Variants in GALNT14 observed in about 807,000 individuals in gnomAD.
GALNT14 encodes the protein UDP-GalNAc:polypeptide N-acetylgalactosaminyltransferase 14.
In GALNT14, 60 loss-of-function variants were observed where a neutral mutation model predicts 77.5. The observed-to-expected ratio is 0.77, with a 90% CI of 0.63 to 0.96. GALNT14 has a LOEUF of 0.96. Among genes scored for constraint, GALNT14 ranks in the 40% least tolerant of loss-of-function variants. The pLI is 0.00. For synonymous variants in GALNT14, 280 were observed against 281.7 expected (o/e 0.99, Z 0.06); for missense variants, 710 against 731.0 (o/e 0.97, Z 0.33).
At chr2:30,966,817 G>A (rs1483829581) in intron 2 of GALNT14, among the ~76,000 whole-genome samples, 3 of 152,186 alleles carry the variant, frequency 2.0e-5, no homozygotes, top group Non-Finnish European at 2.9e-5. Context: ...ATGTAAAAGA[G>A]GCAGAGCCCC....
Position 30,979,168 on chromosome 2 carries a change from G to A in GALNT14, c.300-12866C>T, listed in dbSNP as rs79360911. 4.4e-3 allele frequency among the ~76,000 whole-genome samples: 664 copies of A among 152,366 alleles called. 1 individual carries two copies. The highest frequency in any genetic ancestry group is 0.015 in the African/African-American group (625 of 41,588). Reference sequence around the variant, plus strand: ...ATCCTTCTGCATTTAGAAAGCCAGAGTCAATGAGGAGGGCAGCTAGGGCCT... The same window carrying A: ...ATCCTTCTGCATTTAGAAAGCCAGAATCAATGAGGAGGGCAGCTAGGGCCT... On this transcript the variant is annotated intron_variant, in intron 2 of 14. Transcript: ENST00000349752.
At chr2:30,895,149 C>T in the GALNT14 span, among the ~76,000 whole-genome samples, 6 of 152,350 alleles carry the variant, frequency 3.9e-5, no homozygotes, top group Non-Finnish European at 5.9e-5. Flanking sequence ...GAAGGAGCAG[C>T]TGCATCTTGA....
intron 2 of GALNT14, among the ~76,000 whole-genome samples, chr2:30,975,745 G>A (rs1668590199): frequency 6.6e-6 from 1 of 152,102 alleles, no homozygotes; most frequent in South Asian, 2.1e-4. Context: ...TGGTTTCTAG[G>A]TCTTGGTTTT....
At chr2:31,066,333 G>C (rs1162499669) in intron 1 of GALNT14, among the ~76,000 whole-genome samples, 1 of 151,952 alleles carries the variant, frequency 6.6e-6, no homozygotes, top group Non-Finnish European at 1.5e-5. Context: ...AGAAGCCAGA[G>C]GAGTGAGGCT....
At chr2:31,008,196 C>T (rs538871772) in intron 1 of GALNT14, among the ~76,000 whole-genome samples, 9 of 152,254 alleles carry the variant, frequency 5.9e-5, no homozygotes, top group Admixed American at 2.6e-4. Context: ...ACAATCCTCC[C>T]GACTCAGCCT....
At chr2:31,121,122 T>A (rs1019314974) in intron 1 of GALNT14, among the ~76,000 whole-genome samples, 3 of 152,186 alleles carry the variant, frequency 2.0e-5, no homozygotes, top group African/African-American at 7.2e-5. Flanking sequence ...GTGCATGGAC[T>A]CAGACCTTCT....
intron 2 of GALNT14, among the ~76,000 whole-genome samples, chr2:30,984,765 CT>C (rs1669193125): frequency 6.6e-6 from 1 of 152,218 alleles, no homozygotes; most frequent in Non-Finnish European, 1.5e-5. Flanking sequence ...CAAGAAGCCT[CT>C]GCCTCCCAGC....
intron 1 of GALNT14, among the ~76,000 whole-genome samples, chr2:31,059,400 A>G (rs537461337): frequency 6.6e-6 from 1 of 152,234 alleles, no homozygotes; most frequent in Non-Finnish European, 1.5e-5. Context: ...TATCAAATAT[A>G]TGGCTAATGA....
chr2:31,097,413 T>C (rs1415142405), intron 1 of GALNT14, among the ~76,000 whole-genome samples: 4 of 151,826 alleles, frequency 2.6e-5, no homozygotes, highest in Non-Finnish European at 5.9e-5. Context: ...GAGAATTAAC[T>C]CTTTCCACAA....
chr2:31,092,834 G>A (rs1278853977), intron 1 of GALNT14, among the ~76,000 whole-genome samples: 2 of 152,168 alleles, frequency 1.3e-5, no homozygotes, highest in Non-Finnish European at 2.9e-5. Context: ...CCTTTCATTA[G>A]GTTGGTGCAA....
In GALNT14 at chr2:31,076,743, G is replaced by A. The variant is rs146167282; in HGVS notation, c.129+61215C>T. Among the ~76,000 whole-genome samples the A allele has an allele frequency of 9.9e-5, 15 of 151,850 alleles. No individual in the cohort carries two copies. The East Asian group carries it at 2.9e-3, about 29-fold the overall frequency. On this transcript the variant is annotated intron_variant, in intron 1 of 14. Coordinates refer to ENST00000349752, the MANE Select transcript of GALNT14 (RefSeq NM_024572.4). ...TAATACTGTCTTACTGATTTAGACA[G>A]TAAATATCAAAGGTAGGGAATGATA...
chr2:30,996,091 T>C (rs1326825466), intron 1 of GALNT14, among the ~76,000 whole-genome samples: 1 of 152,168 alleles, frequency 6.6e-6, no homozygotes, highest in Non-Finnish European at 1.5e-5. Flanking sequence ...CTTTCTTCAG[T>C]CTACTGATTC....
intron 2 of GALNT14, among the ~76,000 whole-genome samples, chr2:30,983,219 T>C (rs1393688135): frequency 1.3e-5 from 2 of 152,110 alleles, no homozygotes; most frequent in Non-Finnish European, 2.9e-5. Flanking sequence ...ACTAGGGGCC[T>C]GGGGAGGGTA....
chr2:31,027,456 C>A (rs1672139721), intron 1 of GALNT14, among the ~76,000 whole-genome samples: 1 of 150,982 alleles, frequency 6.6e-6, no homozygotes, highest in Non-Finnish European at 1.5e-5. Flanking sequence ...AGTCCCTGTG[C>A]TCAGTATTTT....
At chr2:31,057,501 AGACTCAACTT>A (rs1186283437) in intron 1 of GALNT14, among the ~76,000 whole-genome samples, 50 of 150,444 alleles carry the variant, frequency 3.3e-4, no homozygotes, top group African/African-American at 1.2e-3. Flanking sequence ...CAAGCCTGGG[AGACTCAACTT>A]GGCAGCTACG....
intron 1 of GALNT14, among the ~76,000 whole-genome samples, chr2:31,032,581 C>G (rs904410960): frequency 6.6e-6 from 1 of 152,188 alleles, no homozygotes; most frequent in Non-Finnish European, 1.5e-5. Context: ...AATGACTGAG[C>G]AGCCCAGAGG....
intron 10 of GALNT14, among the ~76,000 whole-genome samples, chr2:30,930,412 T>C (rs1054620180): frequency 2.6e-5 from 4 of 152,192 alleles, no homozygotes; most frequent in Non-Finnish European, 4.4e-5. Context: ...CTTTCCAGAC[T>C]TTTTGCTAGC....
At chr2:30,982,378 G>T (rs1312586224) in intron 2 of GALNT14, among the ~76,000 whole-genome samples, 1 of 152,188 alleles carries the variant, frequency 6.6e-6, no homozygotes, top group Non-Finnish European at 1.5e-5. Flanking sequence ...AATCATAGCA[G>T]CTCTCGTCAT....
chr2:30,958,370 A>G, intron 4 of GALNT14, 27 bp downstream of exon 4: 1 of 1,602,438 alleles, frequency 6.2e-7, no homozygotes, highest in Non-Finnish European at 8.6e-7. Context: ...ATTCGTGTCT[A>G]AAGAGCAAGT....
Sources: allele counts gnomAD v4.1 joint callset (sites outside exome capture counted in the v4.1 genomes callset), GRCh38; gene constraint gnomAD v4.1.1; transcripts MANE v1.5; gene names NCBI Gene and HGNC (gene_info 2026-07-23, HGNC 2026-07-21).